Variants in KLRB1 observed in about 807,000 individuals in gnomAD.
KLRB1 encodes the protein killer cell lectin like receptor B1.
A neutral mutation model predicts 33.5 loss-of-function variants in KLRB1; 27 were observed. The observed-to-expected ratio is 0.81, with a 90% CI of 0.59 to 1.11. The LOEUF is 1.11. Among genes scored for constraint, KLRB1 ranks in the 50% most tolerant of loss-of-function variants. KLRB1 has a pLI of 0.00. For missense variants in KLRB1, 241 were observed against 254.1 expected, an observed-to-expected ratio of 0.95 and a Z score of 0.35; for synonymous variants, 64 against 88.9, an observed-to-expected ratio of 0.72 and a Z score of 1.58.
intron 1 of KLRB1, among the ~76,000 whole-genome samples, chr12:9,606,904 G>A (rs1036307015): frequency 3.3e-5 from 5 of 150,878 alleles, no homozygotes; most frequent in Non-Finnish European, 7.4e-5. Flanking sequence ...CCACAGGCAC[G>A]TGCCCCACAC....
At chr12:9,603,734 C>T (rs112399400) in intron 1 of KLRB1, among the ~76,000 whole-genome samples, 41 of 152,002 alleles carry the variant, frequency 2.7e-4, no homozygotes, top group African/African-American at 9.4e-4. Context: ...CCGCACCCAG[C>T]CTAATTCTAT....
At chr12:9,598,011 A>C in intron 5 of KLRB1, 35 bp downstream of exon 5, 2 of 963,186 alleles carry the variant, frequency 2.1e-6, no homozygotes, top group Non-Finnish European at 1.6e-6. Flanking sequence ...ACCTGATATA[A>C]ATTGAATATT....
intron 1 of KLRB1, among the ~76,000 whole-genome samples, chr12:9,605,407 C>T (rs1246750905): frequency 2.0e-5 from 3 of 152,326 alleles, no homozygotes; most frequent in East Asian, 1.9e-4. Context: ...CTTAAGGAAT[C>T]GCCATACTGT....
At chr12:9,598,272 A>G in intron 4 of KLRB1, 111 bp from the exon 5 acceptor site, 1 of 775,606 alleles carries the variant, frequency 1.3e-6, no homozygotes, top group Non-Finnish European at 2.2e-6. Flanking sequence ...ACTCGTCGTC[A>G]GCATTAATTA....
intron 2 of KLRB1, among the ~76,000 whole-genome samples, chr12:9,601,146 A>G (rs1000173054): frequency 1.4e-5 from 2 of 144,762 alleles, no homozygotes; most frequent in South Asian, 2.5e-4. Flanking sequence ...AATCCTTTAC[A>G]TTGTCTATGA....
At chr12:9,606,777 G>A (rs1159097975) in intron 1 of KLRB1, among the ~76,000 whole-genome samples, 1 of 32,446 alleles carries the variant, frequency 3.1e-5, no homozygotes, top group Admixed American at 3.2e-4. Context: ...TTTTTTTTTT[G>A]AGATAGTCTT....
chr12:9,598,608 C>A lies in KLRB1; in HGVS notation c.305G>T (p.Arg102Leu). The change falls in exon 4 of 6, where the codon CGA (arginine) becomes CTA (leucine). Residue 102 changes from arginine (R) to leucine (L), a missense_variant. Physicochemically the swap from Arg to Leu is moderately radical, Grantham distance 102. Transcript: ENST00000229402. ...GTGAGAAAATAACAAGCATTTCTCTCGGAGTTGCTGCCAATATATTGGGCA... is the reference window on the plus strand; with the variant it reads ...GTGAGAAAATAACAAGCATTTCTCTAGGAGTTGCTGCCAATATATTGGGCA... ...LNCPIYWQQL[R>L]EKCLLFSHTV... The A allele has an allele frequency of 6.2e-7, 1 of 1,613,000 alleles. No homozygotes were observed. The highest frequency in any genetic ancestry group is 8.5e-7 in the Non-Finnish European group (1 of 1,179,266).
intron 3 of KLRB1, 66 bp from the exon 4 acceptor site, chr12:9,598,719 C>T (rs1437303192): frequency 9.2e-7 from 1 of 1,087,456 alleles, no homozygotes; most frequent in East Asian, 2.4e-5. Context: ...CACACCACAA[C>T]CAATCACACA....
chr12:9,598,422 C>G lies in KLRB1; in HGVS notation c.414+77G>C, dbSNP rs188500977. Reference sequence around the variant, plus strand: ...TCATCACTTCCATTGCATAAAACCCCTGGGCTAATGCACAGACATTAATAT... The same window carrying G: ...TCATCACTTCCATTGCATAAAACCCGTGGGCTAATGCACAGACATTAATAT... On this transcript the variant is annotated intron_variant, in intron 4 of 5. Coordinates refer to ENST00000229402, the MANE Select transcript of KLRB1 (RefSeq NM_002258.3). 25 of 1,270,712 alleles carry G rather than the reference C, an allele frequency of 2.0e-5. No individual in the cohort carries two copies. The Admixed American group carries it at 3.3e-4, about 17-fold the overall frequency. The allele number at this position is 1,270,712 out of a possible 1,614,324, so 78.7% of individuals were successfully genotyped here. A position where few individuals can be genotyped will look rare whatever the true frequency, so the allele number is the denominator to read the frequency against.
In KLRB1 at chr12:9,607,848, G is replaced by A. The variant is rs1466763383; in HGVS notation, c.-9C>T. 8.8e-6 allele frequency: 14 copies of A among 1,596,802 alleles called. No homozygotes were observed. Among genetic ancestry groups the A allele is most frequent in the Non-Finnish European group, 1.1e-5 (13 of 1,164,910 alleles). On this transcript the variant is annotated 5_prime_UTR_variant, in exon 1 of 6. Transcript: ENST00000229402. ...ATTGCTTGTTGGTCCATGGCAGACA[G>A]AGGAAGGTGGCATTAAACTTGTGTG... is the stretch of plus-strand genomic sequence containing the variant.
At chr12:9,604,913 T>C (rs921098465) in intron 1 of KLRB1, among the ~76,000 whole-genome samples, 1 of 152,180 alleles carries the variant, frequency 6.6e-6, no homozygotes, top group African/African-American at 2.4e-5. Context: ...TATGTATACA[T>C]GTGCCATGTT....
chr12:9,605,378 G>T (rs1301311038), intron 1 of KLRB1, among the ~76,000 whole-genome samples: 2 of 152,158 alleles, frequency 1.3e-5, no homozygotes, highest in African/African-American at 4.8e-5. Flanking sequence ...GGGTCAAATG[G>T]TATTTCTAGC....
At chr12:9,607,335 C>CCTTCCTTCCTGCCTGCCTGCCTTT (rs1864621978) in intron 1 of KLRB1, among the ~76,000 whole-genome samples, 8 of 65,164 alleles carry the variant, frequency 1.2e-4, no homozygotes, top group Non-Finnish European at 2.2e-4. Flanking sequence ...CTCTTTCTTT[C>CCTTCCTTCCTGCCTGCCTGCCTTT]CTTTCTTTCT....
At chr12:9,602,153 A>T (rs774159853) in intron 1 of KLRB1, among the ~76,000 whole-genome samples, 1 of 152,206 alleles carries the variant, frequency 6.6e-6, no homozygotes, top group Admixed American at 6.5e-5. Flanking sequence ...ATCCCAAGCC[A>T]TCAAGGGATA....
intron 1 of KLRB1, chr12:9,606,576 A>G (rs1864601373): frequency 6.6e-6 from 1 of 150,634 alleles, no homozygotes; most frequent in Non-Finnish European, 1.5e-5. Context: ...TTGATCTTGA[A>G]TATGATTTTT....
chr12:9,604,414 T>C (rs1864577914), intron 1 of KLRB1, among the ~76,000 whole-genome samples: 2 of 152,308 alleles, frequency 1.3e-5, no homozygotes, highest in Non-Finnish European at 2.9e-5. Context: ...TCTGGTTTTG[T>C]TGACTGCCTT....
chr12:9,605,075 A>G (rs1277367057), intron 1 of KLRB1, among the ~76,000 whole-genome samples: 1 of 152,108 alleles, frequency 6.6e-6, no homozygotes, highest in Non-Finnish European at 1.5e-5. Flanking sequence ...ACTATGAGTG[A>G]GAATATGCGG....
chr12:9,601,632 A>ACAAC (rs2120715326), intron 1 of KLRB1, 33 bp from the exon 2 acceptor site: 1 of 1,480,368 alleles, frequency 6.8e-7, no homozygotes, highest in Non-Finnish European at 9.4e-7. Context: ...ACAAAAACAA[A>ACAAC]CAAACAAACG....
rs1864514907 is a variant in KLRB1, at chr12:9,598,710, A to T, written c.260-57T>A. On this transcript the variant is annotated intron_variant, in intron 3 of 5. Coordinates refer to ENST00000229402, the MANE Select transcript of KLRB1 (RefSeq NM_002258.3). ...GTTATATTTCTAACCTATCCCTGACACACCACAACCAATCACACACACACA... is the reference window on the plus strand; with the variant it reads ...GTTATATTTCTAACCTATCCCTGACTCACCACAACCAATCACACACACACA... The T allele has an allele frequency of 4.7e-6, 6 of 1,265,250 alleles. No homozygotes were observed. The South Asian group carries it at 8.2e-5, about 17-fold the overall frequency. The allele number at this position is 1,265,250 out of a possible 1,614,324, so 78.4% of individuals were successfully genotyped here. A position where few individuals can be genotyped will look rare whatever the true frequency, so the allele number is the denominator to read the frequency against.
Sources: allele counts gnomAD v4.1 joint callset (sites outside exome capture counted in the v4.1 genomes callset), GRCh38; gene constraint gnomAD v4.1.1; transcripts MANE v1.5; gene names NCBI Gene and HGNC (gene_info 2026-07-23, HGNC 2026-07-21).